The following WDR90 variants were observed in gnomAD, a reference collection of about 807,000 sequenced individuals.
WDR90 encodes the protein WD repeat-containing protein 90.
In WDR90, 238 loss-of-function variants were observed where a neutral mutation model predicts 195.2. The ratio of observed to expected loss-of-function variants is 1.22; its 90% CI spans 1.10 to 1.36. The LOEUF is 1.36. Among genes scored for constraint, WDR90 ranks in the 40% most tolerant of loss-of-function variants. WDR90 has a pLI of 0.00. For missense variants in WDR90, 2,734 were observed against 2,439.5 expected, an observed-to-expected ratio of 1.12 and a Z score of -2.54; for synonymous variants, 1,265 against 1,052.4, an observed-to-expected ratio of 1.20 and a Z score of -3.91.
Position 658,603 on chromosome 16 carries a change from C to T in WDR90, c.2845C>T (p.Arg949Trp), listed in dbSNP as rs762743050. ...DARFLLIAAGRTIKVWDYATQ... is the reference protein window; with the variant it reads ...DARFLLIAAGWTIKVWDYATQ... ...CCGCTTCCTGCTGATTGCCGCCGGC[C>T]GGACCATCAAGGTGTGGGACTACGC... Residue 949 changes from arginine to tryptophan, a missense_variant, in exon 23 of 41, where the codon CGG becomes TGG. Transcript: ENST00000293879. 13 of 1,612,704 alleles carry T rather than the reference C, an allele frequency of 8.1e-6. No homozygotes were observed. The highest frequency in any genetic ancestry group is 4.4e-5 in the South Asian group (4 of 91,088).
At position 657,798 on chromosome 16, in the gene WDR90, GCGCC is replaced by G. The variant is rs2037793422; in HGVS notation, c.2512_2515del (p.Ala838TrpfsTer20). 1.3e-6 allele frequency: 2 copies of G among 1,555,284 alleles called. No homozygotes were observed. Among genetic ancestry groups the G allele is most frequent in the East Asian group, 4.8e-5 (2 of 41,556 alleles). ...TGCCCGGATGCCCCCGCGAGCCCCA[GCGCC>G]CTGGCAGTCAGCAGGGATGGCCGCC... On this transcript the variant is annotated frameshift_variant, in exon 21 of 41. Coordinates refer to ENST00000293879, the MANE Select transcript of WDR90 (RefSeq NM_145294.5). LOFTEE classifies it high-confidence loss of function.
Position 651,867 on chromosome 16 carries a change from T to C in WDR90, c.881T>C (p.Val294Ala). ...TTGGCACCCAGGCCCTTCCCGGAGG[T>C]CAGCCTGTCCCAAGAGCGCTCAGAC... is the stretch of plus-strand genomic sequence containing the variant. Reference protein sequence around the residue: ...AALAPRPFPEVSLSQERSDAS... With the variant: ...AALAPRPFPEASLSQERSDAS... Residue 294 changes from valine (V) to alanine (A), a missense_variant, in exon 9 of 41, where the codon GTC becomes GCC. Transcript: ENST00000293879. 3 of 1,610,428 alleles carry C rather than the reference T, an allele frequency of 1.9e-6. No individual in the cohort carries two copies. Among genetic ancestry groups the C allele is most frequent in the Non-Finnish European group, 2.5e-6 (3 of 1,179,838 alleles).
At chr16:652,738 C>T (rs1315859267) in intron 10 of WDR90, among the ~76,000 whole-genome samples, 1 of 152,240 alleles carries the variant, frequency 6.6e-6, no homozygotes, top group Non-Finnish European at 1.5e-5. Flanking sequence ...CTGCTGTCAC[C>T]TCCTGGTGCC....
intron 33 of WDR90, 26 bp downstream of exon 33, chr16:662,357 T>C: frequency 6.5e-7 from 1 of 1,544,092 alleles, no homozygotes; most frequent in Non-Finnish European, 8.7e-7. Context: ...CTACGTGTTT[T>C]GGCTGCACGT....
intron 26 of WDR90, 41 bp downstream of exon 26, chr16:659,417 G>A: frequency 6.3e-7 from 1 of 1,575,804 alleles, no homozygotes; most frequent in Non-Finnish European, 8.6e-7. Context: ...GGATTCGGGG[G>A]TCTGAGAGGG....
chr16:662,550 C>A, intron 33 of WDR90, 129 bp from the exon 34 acceptor site: 1 of 1,354,980 alleles, frequency 7.4e-7, no homozygotes, highest in Non-Finnish European at 1.0e-6. Context: ...TTCTCTTCTT[C>A]CACCGGGAGG....
In WDR90 at chr16:655,128, A is replaced by C. The variant is rs201490214; in HGVS notation, c.1537A>C (p.Thr513Pro). 6.2e-7 allele frequency: 1 copy of C among 1,612,680 alleles called. No homozygotes were observed. Among genetic ancestry groups the C allele is most frequent in the Middle Eastern group, 1.7e-4 (1 of 6,060 alleles). Residue 513 changes from threonine to proline, a missense_variant, in exon 14 of 41, where the codon ACC becomes CCC. By Grantham distance (38) the Thr-to-Pro change is conservative. Coordinates refer to ENST00000293879, the MANE Select transcript of WDR90 (RefSeq NM_145294.5). ...CTTTGACGTCCAGGCCTTCCGGGTC[A>C]CCTTTTTTGATGAAACCAGGTGATG... Reference protein sequence around the residue: ...TDFDVQAFRVTFFDETRMASC... With the variant: ...TDFDVQAFRVPFFDETRMASC...
In WDR90 at chr16:658,351, C is replaced by G; in HGVS notation, c.2766+7C>G. 6.2e-7 allele frequency: 1 copy of G among 1,611,586 alleles called. No homozygotes were observed. The highest frequency in any genetic ancestry group is 8.5e-7 in the Non-Finnish European group (1 of 1,179,310). Reference sequence around the variant, plus strand: ...GGGCCGCATCATCCGGGAGGTGAGCCTCAGGGCTGTGGCCCGCCGACCTGG... The same window carrying G: ...GGGCCGCATCATCCGGGAGGTGAGCGTCAGGGCTGTGGCCCGCCGACCTGG... On this transcript the variant is annotated splice_region_variant and intron_variant, in intron 22 of 40. Transcript: ENST00000293879.
At chr16:665,405 T>G in intron 34 of WDR90, 1 of 591,568 alleles carries the variant, frequency 1.7e-6, no homozygotes, top group East Asian at 2.9e-5. Context: ...GCCACGCTCC[T>G]GTCTTTGAGG....
intron 22 of WDR90, 90 bp from the exon 23 acceptor site, chr16:658,435 G>A: frequency 6.3e-7 from 1 of 1,576,246 alleles, no homozygotes; most frequent in Middle Eastern, 1.7e-4. Context: ...GCTGGGTGGG[G>A]GGCCGTCGCC....
At chr16:662,172 G>A in intron 32 of WDR90, 48 bp from the exon 33 acceptor site, 1 of 1,520,464 alleles carries the variant, frequency 6.6e-7, no homozygotes, top group Non-Finnish European at 8.8e-7. Flanking sequence ...GTGACCCAGG[G>A]CCTCTGGGAA....
Position 651,876 on chromosome 16 carries a change from C to T in WDR90, c.890C>T (p.Ser297Phe), listed in dbSNP as rs745869184. The T allele has an allele frequency of 2.5e-6, 4 of 1,610,904 alleles. No homozygotes were observed. The Admixed American group carries it at 6.7e-5, about 27-fold the overall frequency. ...APRPFPEVSL[S>F]QERSDASNAD... ...AGGCCCTTCCCGGAGGTCAGCCTGT[C>T]CCAAGAGCGCTCAGACGCCTCCAAC... Residue 297 changes from serine (S) to phenylalanine (F), a missense_variant, in exon 9 of 41, where the codon TCC (serine) becomes TTC (phenylalanine). Physicochemically the swap from Ser to Phe is radical, Grantham distance 155. Transcript: ENST00000293879.
At position 661,611 on chromosome 16, in the gene WDR90, C is replaced by T. The variant is rs771335962; in HGVS notation, c.3688C>T (p.Arg1230Cys). 53 of 1,591,924 alleles carry T rather than the reference C, an allele frequency of 3.3e-5. No individual in the cohort carries two copies. The highest frequency in any genetic ancestry group is 4.5e-5 in the East Asian group (2 of 44,640). The change falls in exon 31 of 41, where the codon CGC becomes TGC. Residue 1230 changes from arginine (R) to cysteine (C), a missense_variant. Arg to Cys is a radical substitution (Grantham distance 180, BLOSUM62 -3). Transcript: ENST00000293879. ...GTCCTTCCCAGGGGACCACGATGGC[C>T]GCACCCTCGCCCTGTGGGGCACGGC... ...LLVTLGDHDGRTLALWGTATY... is the reference protein window; with the variant it reads ...LLVTLGDHDGCTLALWGTATY...
rs189295103 is a variant in WDR90, at chr16:661,069, G to A, written c.3410G>A (p.Cys1137Tyr). ...CGCACAGGCTTCTTTGCCTACACGT[G>A]CGGCCGCCTGGTGGTGGTGGAGGAC... ...RPDTGFFAYT[C>Y]GRLVVVEDLH... Residue 1137 changes from cysteine to tyrosine, a missense_variant, in exon 29 of 41, where the codon TGC becomes TAC. Coordinates refer to ENST00000293879, the MANE Select transcript of WDR90 (RefSeq NM_145294.5). 312 of 1,471,004 alleles carry A rather than the reference G, an allele frequency of 2.1e-4. 2 individuals are homozygous for A. The East Asian group carries it at 0.01, about 49-fold the overall frequency. 91.1% of individuals were successfully genotyped at this position (1,471,004 alleles called of 1,614,324 possible). A position where few individuals can be genotyped will look rare whatever the true frequency, so the allele number is the denominator to read the frequency against.
Position 661,123 on chromosome 16 carries a change from C to G in WDR90, c.3464C>G (p.Ser1155Cys). Residue 1155 changes from serine to cysteine, a missense_variant, in exon 29 of 41, where the codon TCC (serine) becomes TGC (cysteine). Ser to Cys is a moderately radical substitution (Grantham distance 112). Coordinates refer to ENST00000293879, the MANE Select transcript of WDR90 (RefSeq NM_145294.5). The part of the protein sequence containing the change: ...DLHSGAQQHW[S>C]GHSAEISTLA... The stretch of plus-strand genomic sequence containing the variant: ...CACTCTGGCGCCCAGCAGCACTGGT[C>G]CGGCCACTCTGCGGAGATCTCCACG... 1 of 1,564,090 alleles carries G rather than the reference C, an allele frequency of 6.4e-7. No individual in the cohort carries two copies. The highest frequency in any genetic ancestry group is 1.2e-5 in the South Asian group (1 of 86,348).
Position 661,037 on chromosome 16 carries a change from C to G in WDR90, c.3392-14C>G, listed in dbSNP as rs575394682. 3 of 1,379,728 alleles carry G rather than the reference C, an allele frequency of 2.2e-6. No homozygotes were observed. Among genetic ancestry groups the G allele is most frequent in the Non-Finnish European group, 1.9e-6 (2 of 1,051,622 alleles). The allele number at this position is 1,379,728 out of a possible 1,614,324, so 85.5% of individuals were successfully genotyped here. A position where few individuals can be genotyped will look rare whatever the true frequency, so the allele number is the denominator to read the frequency against. On this transcript the variant is annotated splice_polypyrimidine_tract_variant and intron_variant, in intron 28 of 40. Coordinates refer to ENST00000293879, the MANE Select transcript of WDR90 (RefSeq NM_145294.5). ...CCCCGGCCCGGCCTCAGGCCCCGCC[C>G]TCTCTGCGCACAGGCTTCTTTGCCT...
At position 658,354 on chromosome 16, in the gene WDR90, A is replaced by C; in HGVS notation, c.2766+10A>C. ...CCGCATCATCCGGGAGGTGAGCCTC[A>C]GGGCTGTGGCCCGCCGACCTGGCCC... On this transcript the variant is annotated intron_variant, in intron 22 of 40. Transcript: ENST00000293879. 1 of 1,611,204 alleles carries C rather than the reference A, an allele frequency of 6.2e-7. No individual in the cohort carries two copies. Among genetic ancestry groups the C allele is most frequent in the South Asian group, 1.1e-5 (1 of 90,944 alleles).
At chr16:654,065 C>G (rs774814317) in intron 13 of WDR90, 18 of 515,992 alleles carry the variant, frequency 3.5e-5, no homozygotes, top group Non-Finnish European at 4.8e-5. Context: ...CACCTCGCCT[C>G]GTTCTCTCTG....
At position 662,758 on chromosome 16, in the gene WDR90, G is replaced by T; in HGVS notation, c.4225G>T (p.Val1409Phe). The T allele has an allele frequency of 6.2e-7, 1 of 1,606,936 alleles. No homozygotes were observed. The highest frequency in any genetic ancestry group is 8.5e-7 in the Non-Finnish European group (1 of 1,175,948). The change falls in exon 34 of 41, where the codon GTC becomes TTC. Residue 1409 changes from valine (V) to phenylalanine (F), a missense_variant. Coordinates refer to ENST00000293879, the MANE Select transcript of WDR90 (RefSeq NM_145294.5). ...ASFDDSVDMG[V>F]VGTTAGTLWF... is the part of the protein sequence containing the mutation. ...CTTCGATGACAGCGTGGACATGGGC[G>T]TCGTGGGCACCACGGCGGGCACGCT...
Sources: gnomAD v4.1 joint callset for allele counts (sites outside exome capture counted in the v4.1 genomes callset) on GRCh38, gnomAD v4.1.1 for gene constraint, MANE v1.5 for transcripts, NCBI Gene and HGNC (gene_info 2026-07-23, HGNC 2026-07-21) for gene names.